The following CCDC171 variants were observed in gnomAD, a reference collection of about 807,000 sequenced individuals.
CCDC171 encodes coiled-coil domain-containing protein 171.
In CCDC171, 177 loss-of-function variants were observed where a neutral mutation model predicts 168.2. The observed-to-expected ratio is 1.05, with a 90% CI of 0.93 to 1.19. CCDC171 has a LOEUF of 1.19. CCDC171 is among the 50% of genes most tolerant of loss of function. The pLI, the probability that CCDC171 is intolerant of heterozygous loss-of-function variation, is 0.00. For missense variants in CCDC171, 1,991 were observed against 1,539.0 expected (o/e 1.29, Z -4.91); for synonymous variants, 687 against 540.8 (o/e 1.27, Z -3.75).
chr9:16,055,411 T>C (rs187436582), intron 1 of CCDC171, among the ~76,000 whole-genome samples: 3 of 152,172 alleles, frequency 2.0e-5, no homozygotes, highest in East Asian at 3.9e-4. Flanking sequence ...CCTGTGGTCC[T>C]TGACACTCAT....
At chr9:15,966,383 C>T (rs1830790856) in intron 25 of CCDC171, among the ~76,000 whole-genome samples, 1 of 152,066 alleles carries the variant, frequency 6.6e-6, no homozygotes, top group Non-Finnish European at 1.5e-5. Flanking sequence ...TTGCACAGTA[C>T]AAGTGAGGAA....
chr9:15,771,317 C>T (rs1008988214), intron 18 of CCDC171, among the ~76,000 whole-genome samples: 15 of 152,044 alleles, frequency 9.9e-5, no homozygotes, highest in Non-Finnish European at 1.3e-4. Flanking sequence ...CAGTGTTGAC[C>T]GTTCTGGTTT....
chr9:15,813,638 T>A (rs994505302), intron 21 of CCDC171, among the ~76,000 whole-genome samples: 2 of 149,082 alleles, frequency 1.3e-5, no homozygotes, highest in Non-Finnish European at 3.0e-5. Flanking sequence ...ATATATATAT[T>A]AAACTATATG....
intron 21 of CCDC171, among the ~76,000 whole-genome samples, chr9:15,790,848 C>T (rs371344228): frequency 3.3e-5 from 5 of 152,268 alleles, no homozygotes; most frequent in Middle Eastern, 6.8e-3. Flanking sequence ...ATTTATTAAA[C>T]AGGGAATCCT....
intron 5 of CCDC171, among the ~76,000 whole-genome samples, chr9:15,592,097 T>G (rs1001763246): frequency 1.3e-5 from 2 of 151,682 alleles, no homozygotes; most frequent in African/African-American, 4.9e-5. Flanking sequence ...GCCAGTGACT[T>G]AAAAGGTAGA....
At chr9:15,854,278 G>A (rs867970512) in intron 23 of CCDC171, among the ~76,000 whole-genome samples, 5 of 151,126 alleles carry the variant, frequency 3.3e-5, no homozygotes, top group African/African-American at 4.9e-5. Context: ...TTCTTTTCTC[G>A]TTATAGATTT....
intron 25 of CCDC171, among the ~76,000 whole-genome samples, chr9:15,928,341 C>T (rs1291923293): frequency 1.3e-5 from 2 of 151,572 alleles, no homozygotes; most frequent in Non-Finnish European, 3.0e-5. Context: ...AAGATTACGT[C>T]GGAGTTGACA....
At chr9:15,953,912 T>A (rs1288905813) in intron 25 of CCDC171, among the ~76,000 whole-genome samples, 1 of 152,086 alleles carries the variant, frequency 6.6e-6, no homozygotes, top group Non-Finnish European at 1.5e-5. Context: ...GTAGGTTTTA[T>A]GTTTCTAGGG....
intron 25 of CCDC171, among the ~76,000 whole-genome samples, chr9:15,943,512 G>A (rs1224958670): frequency 6.6e-6 from 1 of 151,914 alleles, no homozygotes. Flanking sequence ...ACCAGATGCA[G>A]GTCTAAGTAT....
chr9:15,736,941 A>C (rs1331659707), intron 16 of CCDC171, among the ~76,000 whole-genome samples: 1 of 152,140 alleles, frequency 6.6e-6, no homozygotes, highest in Non-Finnish European at 1.5e-5. Flanking sequence ...GGTGTGAACT[A>C]CTGTGCCTGG....
At chr9:15,826,280 C>T (rs115416525) in intron 21 of CCDC171, among the ~76,000 whole-genome samples, 2,672 of 151,776 alleles carry the variant, frequency 0.018, 93 homozygotes, top group African/African-American at 0.061. Flanking sequence ...AATTCTCTTT[C>T]GTTCTTCTGA....
At chr9:16,079,800 C>A in the CCDC171 span, among the ~76,000 whole-genome samples, 1 of 151,468 alleles carries the variant, frequency 6.6e-6, no homozygotes, top group Admixed American at 6.6e-5. Flanking sequence ...GTATGACTAG[C>A]AGAGACTTAC....
At chr9:15,803,317 C>T (rs183266540) in intron 21 of CCDC171, among the ~76,000 whole-genome samples, 2 of 151,704 alleles carry the variant, frequency 1.3e-5, no homozygotes, top group Non-Finnish European at 2.9e-5. Context: ...GTGTTTTTGT[C>T]ATGAAATCTT....
chr9:15,951,473 C>T (rs558794022), intron 25 of CCDC171, among the ~76,000 whole-genome samples: 1 of 152,236 alleles, frequency 6.6e-6, no homozygotes, highest in African/African-American at 2.4e-5. Context: ...ATTTCTCCAT[C>T]TTCCATTTGC....
chr9:16,054,402 G>A (rs1833800416), intron 1 of CCDC171, among the ~76,000 whole-genome samples: 1 of 152,168 alleles, frequency 6.6e-6, no homozygotes, highest in African/African-American at 2.4e-5. Context: ...CCCACAGGAG[G>A]TAACGTTAGA....
intron 3 of CCDC171, among the ~76,000 whole-genome samples, chr9:15,985,269 C>G (rs1422607373): frequency 6.6e-6 from 1 of 151,710 alleles, no homozygotes; most frequent in Non-Finnish European, 1.5e-5. Flanking sequence ...TTTTTTTGGA[C>G]CAATCATACA....
intron 7 of CCDC171, among the ~76,000 whole-genome samples, chr9:15,624,114 A>AAACT (rs911178492): frequency 1.3e-5 from 2 of 152,152 alleles, no homozygotes; most frequent in African/African-American, 4.8e-5. Context: ...AACACTTATT[A>AAACT]AACTCACTGT....
intron 2 of CCDC171, among the ~76,000 whole-genome samples, 196 bp from the exon 3 acceptor site, chr9:15,571,428 A>G (rs1387332978): frequency 6.6e-6 from 1 of 152,184 alleles, no homozygotes; most frequent in African/African-American, 2.4e-5. Flanking sequence ...CTAGGTATCT[A>G]TCTATATATA....
At chr9:15,800,438 G>T (rs1179785453) in intron 21 of CCDC171, among the ~76,000 whole-genome samples, 1 of 151,870 alleles carries the variant, frequency 6.6e-6, no homozygotes, top group African/African-American at 2.4e-5. Flanking sequence ...TTAATCTTTT[G>T]CCCATTTTAA....
Sources: gnomAD v4.1 joint callset for allele counts (sites outside exome capture counted in the v4.1 genomes callset) on GRCh38, gnomAD v4.1.1 for gene constraint, MANE v1.5 for transcripts, NCBI Gene and HGNC (gene_info 2026-07-23, HGNC 2026-07-21) for gene names.